The following MCUR1 variants were observed in gnomAD, a reference collection of about 807,000 sequenced individuals.
The protein encoded by MCUR1 is MCU regulator 1.
In MCUR1, 37 loss-of-function variants were observed where a neutral mutation model predicts 42.0. That is an observed-to-expected ratio of 0.88 (90% CI 0.68 to 1.16). MCUR1 has a LOEUF of 1.16. Ranked by LOEUF, MCUR1 falls within the 50% of genes most tolerant of loss-of-function variation. MCUR1 has a pLI of 0.00. For synonymous variants in MCUR1, 229 were observed against 196.2 expected (o/e 1.17, Z -1.40); for missense variants, 469 against 468.4 (o/e 1.00, Z -0.01).
At chr6:13,803,777 T>C in intron 2 of MCUR1, 2 of 985,450 alleles carry the variant, frequency 2.0e-6, no homozygotes, top group Non-Finnish European at 2.4e-6. Context: ...TTTTTTCTCG[T>C]CTGTCTTCCT....
intron 2 of MCUR1, among the ~76,000 whole-genome samples, chr6:13,805,655 A>G (rs1160717892): frequency 2.0e-5 from 3 of 152,232 alleles, no homozygotes; most frequent in Admixed American, 1.3e-4. Context: ...TTAGGCATGT[A>G]AAGTACCTCT....
In MCUR1 at chr6:13,790,714, A is replaced by G; in HGVS notation, c.*95T>C. ...GTAATCCACCTGCCTCAGCCTCCCA[A>G]AGTGCTGGAATTACAGGTGTGAGCC... On this transcript the variant is annotated 3_prime_UTR_variant, in exon 9 of 9. Transcript: ENST00000379170. 1.1e-6 allele frequency: 1 copy of G among 920,026 alleles called. No homozygotes were observed. The highest frequency in any genetic ancestry group is 1.4e-5 in the South Asian group (1 of 69,012). 57.0% of individuals were successfully genotyped at this position (920,026 alleles called of 1,614,324 possible). A position where few individuals can be genotyped will look rare whatever the true frequency, so the allele number is the denominator to read the frequency against.
At chr6:13,802,151 G>T in intron 3 of MCUR1, 92 bp downstream of exon 3, 1 of 924,036 alleles carries the variant, frequency 1.1e-6, no homozygotes, top group Non-Finnish European at 1.7e-6. Context: ...CTTTTCAACG[G>T]GGTATTATCC....
intron 1 of MCUR1, among the ~76,000 whole-genome samples, chr6:13,807,706 T>C (rs547382753): frequency 6.6e-6 from 1 of 152,328 alleles, no homozygotes; most frequent in Admixed American, 6.5e-5. Context: ...GCCAGACTGT[T>C]TTCCAAAGCA....
rs538878653 is a variant in MCUR1, at chr6:13,814,105, C to A, written c.325G>T (p.Ala109Ser). The change falls in exon 1 of 9, where the codon GCG becomes TCG. Residue 109 changes from alanine (A) to serine (S), a missense_variant. Transcript: ENST00000379170. ...GCGACGCCCGGTGAGCACCTCCACG[C>A]GCTGCTGCGCCCGGCCGGGGGTGCG... ...YAAPPAGRSS[A>S]WRCSPGVAAA... is the part of the protein sequence containing the mutation. 5.6e-6 allele frequency: 7 copies of A among 1,253,348 alleles called. No homozygotes were observed. In the South Asian group the frequency reaches 2.1e-4, roughly 38 times the overall value. 77.6% of individuals were successfully genotyped at this position (1,253,348 alleles called of 1,614,324 possible).
rs932472285 is a variant in MCUR1 at position 13,790,464 on chromosome 6, G to T, written c.*345C>A. On this transcript the variant is annotated 3_prime_UTR_variant, in exon 9 of 9. Coordinates refer to ENST00000379170, the MANE Select transcript of MCUR1 (RefSeq NM_001031713.4). ...AAAAGGACAACAATCTGGTATTCCG[G>T]TTTTTTTTTTTTTTTTGAGACGGAG... The T allele has an allele frequency of 3.6e-4, 51 of 142,670 alleles. No homozygotes were observed. The South Asian group carries it at 4.4e-3, about 12-fold the overall frequency. The allele number at this position is 142,670 out of a possible 1,614,324, so 8.8% of individuals were successfully genotyped here. A position where few individuals can be genotyped will look rare whatever the true frequency, so the allele number is the denominator to read the frequency against.
At chr6:13,808,837 CTAATGCATTGA>C (rs1257485683) in intron 1 of MCUR1, among the ~76,000 whole-genome samples, 2 of 152,166 alleles carry the variant, frequency 1.3e-5, no homozygotes, top group Non-Finnish European at 2.9e-5. Context: ...GCTCTCCATT[CTAATGCATTGA>C]TCTATGTGTT....
intron 6 of MCUR1, among the ~76,000 whole-genome samples, chr6:13,795,507 CTT>C (rs1759836483): frequency 6.6e-6 from 1 of 152,186 alleles, no homozygotes; most frequent in Non-Finnish European, 1.5e-5. Flanking sequence ...AACATTATAA[CTT>C]TACCGAAAGA....
intron 7 of MCUR1, among the ~76,000 whole-genome samples, chr6:13,792,322 T>C (rs186735596): frequency 1.3e-5 from 2 of 152,372 alleles, no homozygotes; most frequent in East Asian, 1.9e-4. Context: ...TAGGTTGCTA[T>C]ACAAATGATG....
Position 13,814,387 on chromosome 6 carries a change from G to A in MCUR1, c.43C>T (p.Pro15Ser). The change falls in exon 1 of 9, where the codon CCC (proline) becomes TCC (serine). Residue 15 changes from proline (P) to serine (S), a missense_variant. Pro to Ser is a moderately conservative substitution (Grantham distance 74). Transcript: ENST00000379170. ...SVGGQRTQRL[P>S]GRQRLLFLPV... The stretch of plus-strand genomic sequence containing the variant: ...AAGAAGAGAAGCCGCTGGCGGCCGG[G>A]CAGGCGCTGGGTCCTCTGGCCGCCG... 6.5e-7 allele frequency: 1 copy of A among 1,534,880 alleles called. No individual in the cohort carries two copies.
At chr6:13,791,748 T>C (rs923443796) in intron 8 of MCUR1, 130 bp downstream of exon 8, 2 of 625,606 alleles carry the variant, frequency 3.2e-6, no homozygotes, top group Admixed American at 3.3e-5. Context: ...TGTAAGATGC[T>C]TTCCAATTTC....
chr6:13,807,012 C>G lies in MCUR1; in HGVS notation c.448G>C (p.Glu150Gln), dbSNP rs371591051. Reference protein sequence around the residue: ...LSLSAGSLQLERKRRDFTSSG... With the variant: ...LSLSAGSLQLQRKRRDFTSSG... ...GAGGTGAAATCTCTCCTTTTGCGCT[C>G]CAGCTGCAGGGATCCAGCAGACAAG... is the stretch of plus-strand genomic sequence containing the variant. Residue 150 changes from glutamate (E) to glutamine (Q), a missense_variant, in exon 2 of 9, where the codon GAG (glutamate) becomes CAG (glutamine). Glu to Gln is a conservative substitution (Grantham distance 29, BLOSUM62 2). Transcript: ENST00000379170. 1.9e-6 allele frequency: 3 copies of G among 1,613,036 alleles called. No homozygotes were observed. In the African/African-American group the frequency reaches 4.0e-5, roughly 22 times the overall value.
At position 13,812,037 on chromosome 6, in the gene MCUR1, G is replaced by A. The variant is rs1039313120; in HGVS notation, c.415+1978C>T. 1.2e-4 allele frequency among the ~76,000 whole-genome samples: 18 copies of A among 152,096 alleles called. 1 individual carries two copies. Among genetic ancestry groups the A allele is most frequent in the Non-Finnish European group, 5.9e-5 (4 of 68,020 alleles). On this transcript the variant is annotated intron_variant, in intron 1 of 8. Coordinates refer to ENST00000379170, the MANE Select transcript of MCUR1 (RefSeq NM_001031713.4). ...GGCCTTCTGTCAAAGGGCAGTACCT[G>A]AGGACACCGCCAACTCCCAGACTCC...
At position 13,791,882 on chromosome 6, in the gene MCUR1, T is replaced by C. The variant is rs1396887061; in HGVS notation, c.1020A>G (p.Leu340=). Residue 340 remains leucine (L), a synonymous_variant, in exon 8 of 9, where the codon TTA becomes TTG. Transcript: ENST00000379170. ...AATAGATACAAAATAGCTTACCTGCTAAATATTTAATATTATCAAGCTTGT... is the reference window on the plus strand; with the variant it reads ...AATAGATACAAAATAGCTTACCTGCCAAATATTTAATATTATCAAGCTTGT... The part of the protein sequence containing the change: ...ESHKLDNIKY[L]AGSIFTCLTV... 1.2e-6 allele frequency: 2 copies of C among 1,607,972 alleles called. No individual in the cohort carries two copies. Among genetic ancestry groups the C allele is most frequent in the Admixed American group, 1.7e-5 (1 of 59,580 alleles).
At chr6:13,812,070 T>C (rs1334276538) in intron 1 of MCUR1, among the ~76,000 whole-genome samples, 1 of 152,108 alleles carries the variant, frequency 6.6e-6, no homozygotes, top group Non-Finnish European at 1.5e-5. Flanking sequence ...TCCTCACTGA[T>C]CATAAGGAAG....
At position 13,790,817 on chromosome 6, in the gene MCUR1, A is replaced by T. The variant is rs768063605; in HGVS notation, c.1072T>A (p.Trp358Arg). The T allele has an allele frequency of 1.9e-6, 3 of 1,611,606 alleles. No homozygotes were observed. The highest frequency in any genetic ancestry group is 2.2e-5 in the South Asian group (2 of 90,930). The change falls in exon 9 of 9, where the codon TGG (tryptophan) becomes AGG (arginine). Residue 358 changes from tryptophan to arginine, a missense_variant. Coordinates refer to ENST00000379170, the MANE Select transcript of MCUR1 (RefSeq NM_001031713.4). ...TTTAAATAGACACTTTATTAGATCCACAGGCGATAAAATCCCAGAGCTACT... is the reference window on the plus strand; with the variant it reads ...TTTAAATAGACACTTTATTAGATCCTCAGGCGATAAAATCCCAGAGCTACT... Reference protein sequence around the residue: ...LTVALGFYRLWI With the variant: ...LTVALGFYRLRI
chr6:13,800,427 A>C, intron 4 of MCUR1, 45 bp from the exon 5 acceptor site: 1 of 1,111,080 alleles, frequency 9.0e-7, no homozygotes, highest in Non-Finnish European at 1.3e-6. Context: ...ACAACATAAA[A>C]CGTAGTAACC....
intron 6 of MCUR1, among the ~76,000 whole-genome samples, chr6:13,795,099 G>A (rs558561522): frequency 7.3e-5 from 11 of 150,828 alleles, no homozygotes; most frequent in African/African-American, 2.7e-4. Flanking sequence ...ATATTCTCCT[G>A]GGACTACTGG....
intron 1 of MCUR1, 93 bp from the exon 2 acceptor site, chr6:13,807,137 T>TATTTACATACTTAGG: frequency 1.5e-6 from 2 of 1,368,334 alleles, no homozygotes; most frequent in South Asian, 3.1e-5. Context: ...CCCAAAGCCT[T>TATTTACATACTTAGG]CGTGGTACTT....
Sources: gnomAD v4.1 joint callset for allele counts (sites outside exome capture counted in the v4.1 genomes callset) on GRCh38, gnomAD v4.1.1 for gene constraint, MANE v1.5 for transcripts, NCBI Gene and HGNC (gene_info 2026-07-23, HGNC 2026-07-21) for gene names.